DLC1: variants seen among roughly 807,000 people sequenced by gnomAD.
DLC1 encodes rho GTPase-activating protein 7.
In DLC1, 54 loss-of-function variants were observed where a neutral mutation model predicts 140.3. The ratio of observed to expected loss-of-function variants is 0.38; its 90% confidence interval spans 0.31 to 0.48. The LOEUF (loss-of-function observed/expected upper bound fraction) is 0.48. Among genes scored for constraint, DLC1 ranks in the 20% least tolerant of loss-of-function variants. DLC1 has a pLI of 0.96. For synonymous variants in DLC1, 986 were observed against 728.1 expected, an observed-to-expected ratio of 1.35 and a Z score of -5.70; for missense variants, 2,536 against 1,907.0, an observed-to-expected ratio of 1.33 and a Z score of -6.14.
At chr8:13,211,243 A>G (rs548499120) in intron 5 of DLC1, among the ~76,000 whole-genome samples, 66 of 152,298 alleles carry the variant, frequency 4.3e-4, no homozygotes, top group African/African-American at 1.5e-3. Context: ...TACTTAGCAT[A>G]TAGTTAAAAG....
At chr8:13,459,850 G>T (rs1197278097) in intron 2 of DLC1, among the ~76,000 whole-genome samples, 1 of 152,160 alleles carries the variant, frequency 6.6e-6, no homozygotes. Flanking sequence ...CTATAAAAAG[G>T]TTTCTGTGCA....
intron 5 of DLC1, among the ~76,000 whole-genome samples, chr8:13,245,370 G>A (rs1380690005): frequency 2.0e-5 from 3 of 152,218 alleles, no homozygotes; most frequent in African/African-American, 7.2e-5. Flanking sequence ...GGCACTCTGT[G>A]CCTATCCCAA....
intron 5 of DLC1, among the ~76,000 whole-genome samples, chr8:13,294,192 T>G (rs1320082249): frequency 1.3e-5 from 2 of 152,200 alleles, no homozygotes; most frequent in African/African-American, 4.8e-5. Flanking sequence ...ATCATACAGT[T>G]TGAACTATAC....
chr8:13,405,992 C>T (rs1241287219), intron 2 of DLC1, among the ~76,000 whole-genome samples: 1 of 123,842 alleles, frequency 8.1e-6, no homozygotes, highest in Non-Finnish European at 1.7e-5. Context: ...CTCTCTCTCT[C>T]TTTCTTTATT....
chr8:13,468,279 A>C (rs1800034250), intron 2 of DLC1, among the ~76,000 whole-genome samples: 1 of 151,214 alleles, frequency 6.6e-6, no homozygotes, highest in Admixed American at 6.6e-5. Flanking sequence ...CTTAATCTTT[A>C]CTTCATCGGT....
intron 2 of DLC1, among the ~76,000 whole-genome samples, chr8:13,461,102 C>T (rs996691058): frequency 6.6e-6 from 1 of 152,184 alleles, no homozygotes; most frequent in Non-Finnish European, 1.5e-5. Flanking sequence ...CCCAGTTACT[C>T]TAGAGGCTGA....
chr8:13,202,391 C>G (rs927005896), intron 5 of DLC1, among the ~76,000 whole-genome samples: 1 of 152,160 alleles, frequency 6.6e-6, no homozygotes, highest in Non-Finnish European at 1.5e-5. Context: ...ACATATCCAT[C>G]ACCTCAAACA....
intron 5 of DLC1, among the ~76,000 whole-genome samples, chr8:13,144,719 T>C (rs1008412243): frequency 6.6e-6 from 1 of 152,152 alleles, no homozygotes; most frequent in Admixed American, 6.5e-5. Flanking sequence ...GAGCCGAGAT[T>C]GCACCACTGC....
At chr8:13,088,802 A>C (rs1176663681) in intron 15 of DLC1, 98 bp from the exon 16 acceptor site, 2 of 893,890 alleles carry the variant, frequency 2.2e-6, no homozygotes, top group East Asian at 2.5e-5. Context: ...AGTTACATAT[A>C]ATCAACGTTA....
intron 4 of DLC1, among the ~76,000 whole-genome samples, chr8:13,384,762 T>G (rs892118883): frequency 3.3e-5 from 5 of 152,310 alleles, no homozygotes; most frequent in South Asian, 2.1e-4. Context: ...TTTTACATTT[T>G]GTTTTTGTTT....
At chr8:13,344,748 C>G (rs1239437056) in intron 4 of DLC1, among the ~76,000 whole-genome samples, 2 of 151,984 alleles carry the variant, frequency 1.3e-5, no homozygotes, top group Admixed American at 6.6e-5. Context: ...TAGGAAAGCA[C>G]GTGTGTGTAA....
At chr8:13,237,887 T>C (rs981636178) in intron 5 of DLC1, among the ~76,000 whole-genome samples, 2 of 148,910 alleles carry the variant, frequency 1.3e-5, no homozygotes, top group African/African-American at 2.5e-5. Context: ...CTAATACATA[T>C]ATTGAAAGAA....
intron 15 of DLC1, 59 bp from the exon 16 acceptor site, chr8:13,088,763 G>A: frequency 6.6e-7 from 1 of 1,517,008 alleles, no homozygotes; most frequent in Non-Finnish European, 9.0e-7. Flanking sequence ...AGTTTTTGAA[G>A]TCGAATTGTT....
At chr8:13,193,470 G>A (rs2117035598) in intron 5 of DLC1, among the ~76,000 whole-genome samples, 1 of 152,208 alleles carries the variant, frequency 6.6e-6, no homozygotes, top group Non-Finnish European at 1.5e-5. Flanking sequence ...TGCCACATCT[G>A]TACTAAGTAC....
At chr8:13,557,078 CAG>C (rs1315580574) in intron 1 of DLC1, among the ~76,000 whole-genome samples, 5 of 152,304 alleles carry the variant, frequency 3.3e-5, no homozygotes, top group African/African-American at 7.2e-5. Context: ...GAGTATGAGA[CAG>C]GGGAAAGCTG....
chr8:13,506,632 G>C (rs1252021996), intron 1 of DLC1, among the ~76,000 whole-genome samples: 1 of 143,164 alleles, frequency 7.0e-6, no homozygotes, highest in Non-Finnish European at 1.5e-5. Flanking sequence ...CACACAGAGA[G>C]ACACATGCAC....
intron 4 of DLC1, among the ~76,000 whole-genome samples, chr8:13,317,646 G>A (rs1437816830): frequency 6.6e-6 from 1 of 152,110 alleles, no homozygotes; most frequent in African/African-American, 2.4e-5. Context: ...GTGGTGAGGG[G>A]AATGAGGGGT....
intron 1 of DLC1, among the ~76,000 whole-genome samples, chr8:13,530,717 T>C (rs1194216764): frequency 6.6e-6 from 1 of 152,196 alleles, no homozygotes; most frequent in East Asian, 1.9e-4. Flanking sequence ...TTTACATTAG[T>C]ACTCATATTT....
At chr8:13,230,616 A>C (rs74863673) in intron 5 of DLC1, among the ~76,000 whole-genome samples, 8,729 of 121,156 alleles carry the variant, frequency 0.072, 340 homozygotes, top group South Asian at 0.15. Context: ...TTTTTTTTGG[A>C]GATGGGGTCT....
Sources: gnomAD v4.1 joint callset for allele counts (sites outside exome capture counted in the v4.1 genomes callset) on GRCh38, gnomAD v4.1.1 for gene constraint, MANE v1.5 for transcripts, NCBI Gene and HGNC (gene_info 2026-07-23, HGNC 2026-07-21) for gene names.